The following BUB3 variants were observed in gnomAD, a reference collection of about 807,000 sequenced individuals.
The protein encoded by BUB3 is BUB3 mitotic checkpoint protein.
Under a neutral mutation model 39.9 loss-of-function variants are expected in BUB3, and 22 were observed. The ratio of observed to expected loss-of-function variants is 0.55; its 90% confidence interval spans 0.39 to 0.79. The LOEUF (loss-of-function observed/expected upper bound fraction) is 0.79. Among genes scored for constraint, BUB3 ranks in the 30% least tolerant of loss-of-function variants. The pLI is 0.00. For synonymous variants in BUB3, 168 were observed against 155.1 expected (o/e 1.08, Z -0.62); for missense variants, 303 against 415.4 (o/e 0.73, Z 2.35).
chr10:123,165,165 G>C lies in BUB3; in HGVS notation c.*1330G>C. 7.3e-7 allele frequency: 1 copy of C among 1,361,810 alleles called. No individual in the cohort carries two copies. The highest frequency in any genetic ancestry group is 1.8e-5 in the Admixed American group (1 of 55,398). The allele number at this position is 1,361,810 out of a possible 1,614,324, so 84.4% of individuals were successfully genotyped here. A position where few individuals can be genotyped will look rare whatever the true frequency, so the allele number is the denominator to read the frequency against. On this transcript the variant is annotated 3_prime_UTR_variant, in exon 8 of 8. Transcript: ENST00000368865. ...GTTACTGTGGATTTCTCTGTTTTCT[G>C]TCTTACAAGAAACTTGTCTATGTAC...
intron 2 of BUB3, among the ~76,000 whole-genome samples, chr10:123,155,349 T>C (rs1442986705): frequency 6.6e-6 from 1 of 152,180 alleles, no homozygotes; most frequent in African/African-American, 2.4e-5. Context: ...CTCTAAACTT[T>C]CTGAAAATAC....
At chr10:123,154,750 G>A (rs1844323913) in intron 1 of BUB3, 168 bp from the exon 2 acceptor site, 2 of 695,738 alleles carry the variant, frequency 2.9e-6, no homozygotes, top group Admixed American at 3.4e-5. Context: ...CCGGATGATG[G>A]GGCGAGTCCG....
At chr10:123,155,209 CGGT>C (rs1844334761) in intron 2 of BUB3, 97 bp downstream of exon 2, 1 of 1,350,338 alleles carries the variant, frequency 7.4e-7, no homozygotes, top group African/African-American at 1.5e-5. Context: ...AGGCGTCTGT[CGGT>C]GGGGTTATTT....
rs534373789 is a variant in BUB3 at position 123,160,651 on chromosome 10, C to T, written c.576+86C>T. On this transcript the variant is annotated intron_variant, in intron 5 of 7. Coordinates refer to ENST00000368865, the MANE Select transcript of BUB3 (RefSeq NM_004725.4). ...ATGATTTGGCCACTAGCCCCTAAAG[C>T]CTTCTTTTTTTTTTTCAGTAGTGAT... The T allele has an allele frequency of 6.5e-5, 81 of 1,247,604 alleles. No homozygotes were observed. The African/African-American group carries it at 1.1e-3, about 17-fold the overall frequency. The allele number at this position is 1,247,604 out of a possible 1,614,324, so 77.3% of individuals were successfully genotyped here. A position where few individuals can be genotyped will look rare whatever the true frequency, so the allele number is the denominator to read the frequency against.
chr10:123,165,191 C>A lies in BUB3; in HGVS notation c.*1356C>A. The A allele has an allele frequency of 1.9e-6, 2 of 1,038,314 alleles. No individual in the cohort carries two copies. The highest frequency in any genetic ancestry group is 2.9e-6 in the Non-Finnish European group (2 of 690,864). 64.3% of individuals were successfully genotyped at this position (1,038,314 alleles called of 1,614,324 possible). On this transcript the variant is annotated 3_prime_UTR_variant, in exon 8 of 8. Coordinates refer to ENST00000368865, the MANE Select transcript of BUB3 (RefSeq NM_004725.4). ...TCTTACAAGAAACTTGTCTATGTAC[C>A]TTAATACTTTGTTTAGGATGAGGAG...
intron 3 of BUB3, among the ~76,000 whole-genome samples, chr10:123,156,547 G>T (rs779805807): frequency 1.3e-5 from 2 of 152,176 alleles, no homozygotes; most frequent in Non-Finnish European, 2.9e-5. Flanking sequence ...AACTTATACT[G>T]CAGGTATTGG....
At chr10:123,157,492 G>A (rs1191000582) in intron 3 of BUB3, among the ~76,000 whole-genome samples, 1 of 152,198 alleles carries the variant, frequency 6.6e-6, no homozygotes, top group African/African-American at 2.4e-5. Context: ...ACAGCCTTTG[G>A]TATGTGCAAT....
chr10:123,156,511 T>C (rs1278969528), intron 3 of BUB3, among the ~76,000 whole-genome samples: 3 of 152,194 alleles, frequency 2.0e-5, no homozygotes, highest in Admixed American at 2.0e-4. Context: ...TAGAAGAGGC[T>C]TTTGCATGAA....
rs975722623 is a variant in BUB3 at position 123,168,491 on chromosome 10, A to G, written c.*4656A>G. The G allele has an allele frequency of 1.8e-4, 27 of 152,128 alleles. No individual in the cohort carries two copies. Among genetic ancestry groups the G allele is most frequent in the African/African-American group, 6.3e-4 (26 of 41,416 alleles). The allele number at this position is 152,128 out of a possible 1,614,324, so 9.4% of individuals were successfully genotyped here. A position where few individuals can be genotyped will look rare whatever the true frequency, so the allele number is the denominator to read the frequency against. On this transcript the variant is annotated 3_prime_UTR_variant, in exon 8 of 8. Transcript: ENST00000368865. The stretch of plus-strand genomic sequence containing the variant: ...GTCCATGGGCCACATGCTGCCCAGG[A>G]TGGCTTTGAAGGTGGCCCAAAACAA...
chr10:123,162,252 C>T lies in BUB3; in HGVS notation c.593C>T (p.Ser198Phe). 6.2e-7 allele frequency: 1 copy of T among 1,613,898 alleles called. No individual in the cohort carries two copies. The highest frequency in any genetic ancestry group is 8.5e-7 in the Non-Finnish European group (1 of 1,179,932). ...FPNKQGYVLS[S>F]IEGRVAVEYL... ...TCTTGGCAGGGTTATGTATTAAGCT[C>T]TATTGAAGGCCGAGTGGCAGTTGAG... Residue 198 changes from serine (S) to phenylalanine (F), a missense_variant, in exon 6 of 8, where the codon TCT (serine) becomes TTT (phenylalanine). Transcript: ENST00000368865.
At chr10:123,154,847 C>G (rs1228171015) in intron 1 of BUB3, 71 bp from the exon 2 acceptor site, 1 of 1,512,986 alleles carries the variant, frequency 6.6e-7, no homozygotes, top group Non-Finnish European at 8.9e-7. Context: ...GGGGGGACCC[C>G]CAGTGCCAGG....
In BUB3 at chr10:123,164,988, C is replaced by G; in HGVS notation, c.*1153C>G. On this transcript the variant is annotated 3_prime_UTR_variant, in exon 8 of 8. Transcript: ENST00000368865. Reference sequence around the variant, plus strand: ...AGGGTCTTTTTTTTTTTAAGTATTTCAGTGAAAACTTGGTGTAAGTCTGAA... The same window carrying G: ...AGGGTCTTTTTTTTTTTAAGTATTTGAGTGAAAACTTGGTGTAAGTCTGAA... 1 of 1,550,684 alleles carries G rather than the reference C, an allele frequency of 6.4e-7. No individual in the cohort carries two copies.
chr10:123,155,507 GC>G (rs1844338638), intron 2 of BUB3, 150 bp from the exon 3 acceptor site: 1 of 706,708 alleles, frequency 1.4e-6, no homozygotes, highest in Non-Finnish European at 2.4e-6. Flanking sequence ...GTGACCACTT[GC>G]TTTTTTATGC....
rs549988579 is a variant in BUB3, at chr10:123,169,756, G to A, written c.*5921G>A. On this transcript the variant is annotated 3_prime_UTR_variant, in exon 8 of 8. Coordinates refer to ENST00000368865, the MANE Select transcript of BUB3 (RefSeq NM_004725.4). The stretch of plus-strand genomic sequence containing the variant: ...TGAATCTGCTGGTTTAACAGGTCAG[G>A]CAGTGTGATTTGACAGCGTGAATCT... 1 of 152,356 alleles carries A rather than the reference G, an allele frequency of 6.6e-6. No homozygotes were observed. Among genetic ancestry groups the A allele is most frequent in the African/African-American group, 2.4e-5 (1 of 41,590 alleles). The allele number at this position is 152,356 out of a possible 1,614,324, so 9.4% of individuals were successfully genotyped here. A position where few individuals can be genotyped will look rare whatever the true frequency, so the allele number is the denominator to read the frequency against.
intron 3 of BUB3, 92 bp from the exon 4 acceptor site, chr10:123,157,637 T>A: frequency 7.1e-7 from 1 of 1,414,468 alleles, no homozygotes; most frequent in Non-Finnish European, 9.5e-7. Context: ...TACAGTTGAA[T>A]GAATGTTTCT....
intron 5 of BUB3, among the ~76,000 whole-genome samples, chr10:123,161,312 G>A (rs1230418267): frequency 2.0e-5 from 3 of 152,154 alleles, no homozygotes; most frequent in Non-Finnish European, 2.9e-5. Context: ...AAGCAGGTAT[G>A]TTATTCTCTT....
chr10:123,155,247 G>C, intron 2 of BUB3, 135 bp downstream of exon 2: 2 of 1,019,300 alleles, frequency 2.0e-6, no homozygotes, highest in Non-Finnish European at 1.4e-6. Flanking sequence ...CTTTTCAGGA[G>C]CATCTGCCTT....
At position 123,163,813 on chromosome 10, in the gene BUB3, C is replaced by A; in HGVS notation, c.972-7C>A. On this transcript the variant is annotated splice_polypyrimidine_tract_variant and splice_region_variant and intron_variant, in intron 7 of 7. Transcript: ENST00000368865. ...CATGCTGTTCTTTTTTTCTTTTGAA[C>A]TTGTAGGTCACCATGTACTTGACAA... is the stretch of plus-strand genomic sequence containing the variant. 1 of 1,605,786 alleles carries A rather than the reference C, an allele frequency of 6.2e-7. No homozygotes were observed. The highest frequency in any genetic ancestry group is 8.5e-7 in the Non-Finnish European group (1 of 1,173,748).
chr10:123,163,075 C>T, intron 7 of BUB3: 1 of 462,186 alleles, frequency 2.2e-6, no homozygotes, highest in Non-Finnish European at 3.8e-6. Context: ...CTTGAATAGG[C>T]TCTATTATTT....
Sources: allele counts gnomAD v4.1 joint callset (sites outside exome capture counted in the v4.1 genomes callset), GRCh38; gene constraint gnomAD v4.1.1; transcripts MANE v1.5; gene names NCBI Gene and HGNC (gene_info 2026-07-23, HGNC 2026-07-21).